Variants in RBFOX1 observed in about 807,000 individuals in gnomAD.
RBFOX1 encodes RNA binding protein fox-1 homolog 1.
In RBFOX1, 8 loss-of-function variants were observed where a neutral mutation model predicts 57.7. The ratio of observed to expected loss-of-function variants is 0.14; its 90% CI spans 0.08 to 0.25. The LOEUF is 0.25. Ranked by LOEUF, RBFOX1 falls within the 10% of genes least tolerant of loss-of-function variation. The pLI is 1.00. For missense variants in RBFOX1, 611 were observed against 548.5 expected, an observed-to-expected ratio of 1.11 and a Z score of -1.14; for synonymous variants, 326 against 222.4, an observed-to-expected ratio of 1.47 and a Z score of -4.15.
At chr16:5,779,022 C>A (rs4302033) in intron 3 of RBFOX1, among the ~76,000 whole-genome samples, 2 of 151,988 alleles carry the variant, frequency 1.3e-5, no homozygotes, top group Admixed American at 6.5e-5. Context: ...TCATTGATTT[C>A]TGGGATGAAC....
intron 2 of RBFOX1, among the ~76,000 whole-genome samples, chr16:6,563,844 ATATGTG>A (rs2097218184): frequency 2.0e-5 from 3 of 151,736 alleles, no homozygotes; most frequent in African/African-American, 7.3e-5. Context: ...AAATATATAT[ATATGTG>A]TGTGTGTGTG....
intron 1 of RBFOX1, among the ~76,000 whole-genome samples, chr16:6,031,941 A>G (rs2095296619): frequency 1.3e-5 from 2 of 151,942 alleles, no homozygotes; most frequent in African/African-American, 4.8e-5. Flanking sequence ...GAGAAAGGGG[A>G]GGTCATTTGT....
chr16:6,051,521 G>T (rs555719250), intron 1 of RBFOX1, among the ~76,000 whole-genome samples: 15 of 152,160 alleles, frequency 9.9e-5, no homozygotes, highest in Admixed American at 7.2e-4. Flanking sequence ...TAGAGGCGGG[G>T]TTTCGCCATG....
chr16:6,370,352 C>T (rs1352399900), intron 2 of RBFOX1, among the ~76,000 whole-genome samples: 5 of 115,764 alleles, frequency 4.3e-5, no homozygotes, highest in Admixed American at 2.1e-4. Context: ...ATAGAGACTC[C>T]GTCTCAAAAG....
intron 2 of RBFOX1, among the ~76,000 whole-genome samples, chr16:6,379,012 C>T (rs1460094624): frequency 6.6e-6 from 1 of 151,946 alleles, no homozygotes; most frequent in Admixed American, 6.6e-5. Context: ...GAGCTCTTCA[C>T]GTGGGAGGTG....
chr16:5,530,454 C>T (rs1292758271), intron 2 of RBFOX1, among the ~76,000 whole-genome samples: 4 of 152,126 alleles, frequency 2.6e-5, no homozygotes, highest in Admixed American at 6.5e-5. Flanking sequence ...CCAGACCACT[C>T]GACAATAGGA....
At chr16:7,076,719 C>T (rs1181621761) in intron 4 of RBFOX1, among the ~76,000 whole-genome samples, 1 of 152,154 alleles carries the variant, frequency 6.6e-6, no homozygotes, top group African/African-American at 2.4e-5. Flanking sequence ...CCATTTCTAA[C>T]CAAGATGTTC....
At chr16:6,766,512 G>C (rs562768269) in intron 3 of RBFOX1, among the ~76,000 whole-genome samples, 2 of 151,704 alleles carry the variant, frequency 1.3e-5, no homozygotes, top group African/African-American at 2.4e-5. Context: ...AAATATTCCG[G>C]AATAGCACTG....
At chr16:6,192,520 C>G (rs1363645002) in intron 1 of RBFOX1, among the ~76,000 whole-genome samples, 1 of 152,136 alleles carries the variant, frequency 6.6e-6, no homozygotes, top group Admixed American at 6.6e-5. Context: ...AGCTCACACA[C>G]CGTTTTACCT....
chr16:7,708,079 G>A (rs372758863), intron 14 of RBFOX1, among the ~76,000 whole-genome samples: 65 of 152,186 alleles, frequency 4.3e-4, no homozygotes, highest in African/African-American at 1.3e-3. Flanking sequence ...AGTGACTCAC[G>A]CCTGTAATCC....
intron 4 of RBFOX1, among the ~76,000 whole-genome samples, chr16:5,905,724 A>G (rs1022616727): frequency 2.6e-5 from 4 of 152,154 alleles, no homozygotes; most frequent in Admixed American, 1.3e-4. Context: ...GACAGCATCT[A>G]GAAGCCAAGG....
At chr16:5,944,473 C>T (rs1362809872) in intron 4 of RBFOX1, among the ~76,000 whole-genome samples, 1 of 152,050 alleles carries the variant, frequency 6.6e-6, no homozygotes, top group East Asian at 1.9e-4. Flanking sequence ...TGGCCGTGGC[C>T]TTTAGCTGCA....
At chr16:6,572,215 T>C (rs888669596) in intron 2 of RBFOX1, among the ~76,000 whole-genome samples, 19 of 152,340 alleles carry the variant, frequency 1.2e-4, no homozygotes, top group African/African-American at 4.3e-4. Context: ...TTTGCCTATA[T>C]TTGATTTCAT....
chr16:7,329,171 A>G (rs1310231990), intron 4 of RBFOX1, among the ~76,000 whole-genome samples: 1 of 152,216 alleles, frequency 6.6e-6, no homozygotes, highest in African/African-American at 2.4e-5. Context: ...GAGTGTTTAC[A>G]GAAAAACATT....
At chr16:5,874,610 C>T (rs1329634304) in intron 4 of RBFOX1, among the ~76,000 whole-genome samples, 1 of 152,162 alleles carries the variant, frequency 6.6e-6, no homozygotes, top group South Asian at 2.1e-4. Context: ...TGGCAACCTT[C>T]ACTTCCCCAG....
chr16:7,459,393 G>T (rs4787020), intron 4 of RBFOX1, among the ~76,000 whole-genome samples: 131,275 of 152,182 alleles, frequency 0.86, 57,857 homozygotes, highest in East Asian at 1. Context: ...TTGGTTCCGT[G>T]CCTTCCTTCC....
At chr16:6,802,825 G>T (rs948655543) in intron 3 of RBFOX1, among the ~76,000 whole-genome samples, 2 of 152,168 alleles carry the variant, frequency 1.3e-5, no homozygotes, top group African/African-American at 4.8e-5. Context: ...TCGGAGACTT[G>T]GCTATGAAGA....
intron 4 of RBFOX1, among the ~76,000 whole-genome samples, chr16:7,371,953 A>T (rs2097574453): frequency 6.6e-6 from 1 of 151,562 alleles, no homozygotes; most frequent in African/African-American, 2.4e-5. Flanking sequence ...TATTTAAGTC[A>T]TTCCCTTAAT....
chr16:5,360,344 G>A (rs528790823), intron 1 of RBFOX1, among the ~76,000 whole-genome samples: 1 of 152,200 alleles, frequency 6.6e-6, no homozygotes, highest in African/African-American at 2.4e-5. Context: ...GTATATCAGC[G>A]CCAGGCAGCT....
Sources: allele counts gnomAD v4.1 joint callset (sites outside exome capture counted in the v4.1 genomes callset), GRCh38; gene constraint gnomAD v4.1.1; transcripts MANE v1.5; gene names NCBI Gene and HGNC (gene_info 2026-07-23, HGNC 2026-07-21).